Variants in ZNF536 observed in about 807,000 individuals in gnomAD.
The protein encoded by ZNF536 is zinc finger protein 536.
ZNF536 carries 13 observed loss-of-function variants against 84.5 expected under a neutral mutation model. That is an observed-to-expected ratio of 0.15 (90% CI 0.10 to 0.24). The LOEUF is 0.24. Ranked by LOEUF, ZNF536 falls within the 10% of genes least tolerant of loss-of-function variation. The pLI is 1.00. For synonymous variants in ZNF536, 811 were observed against 742.5 expected (o/e 1.09, Z -1.50); for missense variants, 1,536 against 1,747.5 (o/e 0.88, Z 2.16).
intron 1 of ZNF536, among the ~76,000 whole-genome samples, chr19:30,674,968 C>T (rs2147768371): frequency 6.6e-6 from 1 of 152,260 alleles, no homozygotes; most frequent in African/African-American, 2.4e-5. Flanking sequence ...GTCAAAATCC[C>T]TTCCCCCTGA....
chr19:30,562,887 G>C (rs1452130585), downstream of ZNF536, among the ~76,000 whole-genome samples: 1 of 152,048 alleles, frequency 6.6e-6, no homozygotes, highest in African/African-American at 2.4e-5. Context: ...GCAAGCCCGG[G>C]GTAGTTTGGA....
chr19:30,266,886 T>TA (rs1211788060), intron 1 of ZNF536, among the ~76,000 whole-genome samples: 1 of 152,176 alleles, frequency 6.6e-6, no homozygotes, highest in Non-Finnish European at 1.5e-5. Context: ...TCAGAATTGA[T>TA]AAAGAAGGAA....
intron 2 of ZNF536, among the ~76,000 whole-genome samples, chr19:30,474,261 G>A (rs2053756707): frequency 6.6e-6 from 1 of 152,066 alleles, no homozygotes; most frequent in Admixed American, 6.5e-5. Context: ...TGGACGCCAG[G>A]CAAGGATGAC....
chr19:30,623,635 C>A (rs574151702), intron 1 of ZNF536, among the ~76,000 whole-genome samples: 137 of 152,360 alleles, frequency 9.0e-4, no homozygotes, highest in African/African-American at 3.1e-3. Flanking sequence ...TTTGATCCCT[C>A]ACCTTTTCTG....
At chr19:30,586,325 T>G (rs6510170) in intron 1 of ZNF536, among the ~76,000 whole-genome samples, 99,000 of 152,184 alleles carry the variant, frequency 0.65, 34,109 homozygotes, top group Non-Finnish European at 0.78. Flanking sequence ...CATAAATGGG[T>G]CCCAGCATGC....
intron 2 of ZNF536, among the ~76,000 whole-genome samples, chr19:30,332,452 C>A (rs559174141): frequency 6.6e-6 from 1 of 152,190 alleles, no homozygotes; most frequent in Non-Finnish European, 1.5e-5. Context: ...ATCCTCTCTG[C>A]CCATGCGTGT....
intron 3 of ZNF536, among the ~76,000 whole-genome samples, chr19:30,536,764 C>T (rs962080780): frequency 7.9e-5 from 12 of 152,164 alleles, no homozygotes; most frequent in Non-Finnish European, 1.3e-4. Context: ...GCTGCAAGTG[C>T]TGGTTGCTTG....
intron 2 of ZNF536, among the ~76,000 whole-genome samples, chr19:30,532,102 G>A (rs190897541): frequency 6.6e-6 from 1 of 151,854 alleles, no homozygotes; most frequent in Non-Finnish European, 1.5e-5. Context: ...GCCACAGGAG[G>A]CCCCGCAGGA....
intron 1 of ZNF536, among the ~76,000 whole-genome samples, chr19:30,694,588 C>T (rs951813325): frequency 2.6e-5 from 4 of 152,166 alleles, no homozygotes; most frequent in Non-Finnish European, 5.9e-5. Context: ...GAAGATCTTG[C>T]CAGACCTCCT....
chr19:30,266,347 C>A (rs1351752767), intron 1 of ZNF536, among the ~76,000 whole-genome samples: 1 of 152,178 alleles, frequency 6.6e-6, no homozygotes, highest in African/African-American at 2.4e-5. Context: ...ACCACCTGGC[C>A]AAGGTAACTT....
chr19:30,673,198 A>T (rs2050624896), intron 1 of ZNF536, among the ~76,000 whole-genome samples: 1 of 152,106 alleles, frequency 6.6e-6, no homozygotes. Context: ...TTCCAGGGTG[A>T]TCTGTATGAT....
chr19:30,268,252 A>C lies in ZNF536; in HGVS notation c.-189-15820A>C, dbSNP rs187084173. ...TTTAGTGGTGACCTGAGTACATTTC[A>C]TAGTTAGTAAATTTAGGATTCTTAC... On this transcript the variant is annotated intron_variant, in intron 1 of 5. Coordinates refer to the ZNF536 transcript ENST00000585628. Among the ~76,000 whole-genome samples, 34 of 152,232 alleles carry C rather than the reference A, an allele frequency of 2.2e-4. No homozygotes were observed. In the East Asian group the frequency reaches 6.2e-3, roughly 28 times the overall value.
At chr19:30,575,510 A>G (rs138658632) in intron 1 of ZNF536, among the ~76,000 whole-genome samples, 140 of 152,376 alleles carry the variant, frequency 9.2e-4, no homozygotes, top group African/African-American at 3.3e-3. Context: ...TGTCTTGCTC[A>G]GTCATCCAGC....
chr19:30,511,133 C>T (rs1016310703), intron 2 of ZNF536, among the ~76,000 whole-genome samples: 4 of 152,160 alleles, frequency 2.6e-5, no homozygotes, highest in Non-Finnish European at 5.9e-5. Context: ...AGATGGGCTG[C>T]TCCTGGCAGA....
intron 2 of ZNF536, among the ~76,000 whole-genome samples, chr19:30,336,786 A>G: frequency 6.6e-6 from 1 of 152,158 alleles, no homozygotes; most frequent in East Asian, 1.9e-4. Flanking sequence ...CCCTGATGTT[A>G]TTTTAAGGTG....
In ZNF536 at chr19:30,444,768, G is replaced by T; in HGVS notation, c.1206G>T (p.Lys402Asn). Reference protein sequence around the residue: ...MKVHLNKLSVKNKSPSDPEVP... With the variant: ...MKVHLNKLSVNNKSPSDPEVP... ...TCCACCTCAACAAGCTGTCGGTGAA[G>T]AACAAGTCCCCCAGCGACCCCGAGG... Residue 402 changes from lysine (K) to asparagine (N), a missense_variant, in exon 2 of 5, where the codon AAG becomes AAT. This residue lies in a region of ZNF536 where 25 missense variants were observed against 78.9 expected (regional missense o/e 0.32). Coordinates refer to ENST00000355537, the MANE Select transcript of ZNF536 (RefSeq NM_014717.3). The T allele has an allele frequency of 6.2e-7, 1 of 1,614,018 alleles. No individual in the cohort carries two copies. Among genetic ancestry groups the T allele is most frequent in the Non-Finnish European group, 8.5e-7 (1 of 1,180,042 alleles).
chr19:30,269,692 T>C (rs2025717437), intron 1 of ZNF536, among the ~76,000 whole-genome samples: 1 of 152,210 alleles, frequency 6.6e-6, no homozygotes, highest in African/African-American at 2.4e-5. Flanking sequence ...TCTGGCTATT[T>C]AACCTGAGTG....
Position 30,434,819 on chromosome 19 carries a change from G to A in ZNF536, c.-2-8742G>A, listed in dbSNP as rs376730376. ...TGATGATGGTGATGGTGATGATGGT[G>A]GTGATGGTGGTGATGGTAATGATAA... is the stretch of plus-strand genomic sequence containing the variant. On this transcript the variant is annotated intron_variant, in intron 1 of 4. Coordinates refer to ENST00000355537, the MANE Select transcript of ZNF536 (RefSeq NM_014717.3). Among the ~76,000 whole-genome samples, 206 of 151,826 alleles carry A rather than the reference G, an allele frequency of 1.4e-3. 1 individual carries two copies. Among genetic ancestry groups the A allele is most frequent in the Middle Eastern group, 6.8e-3 (2 of 294 alleles).
chr19:30,577,720 C>T (rs1191006659), intron 1 of ZNF536, among the ~76,000 whole-genome samples: 1 of 152,180 alleles, frequency 6.6e-6, no homozygotes, highest in Non-Finnish European at 1.5e-5. Flanking sequence ...TTCAGTGCTG[C>T]CCCTGTCTGT....
Sources: allele counts gnomAD v4.1 joint callset (sites outside exome capture counted in the v4.1 genomes callset), GRCh38; gene constraint gnomAD v4.1.1; regional missense constraint gnomAD v4.1.1; transcripts MANE v1.5; gene names NCBI Gene and HGNC (gene_info 2026-07-23, HGNC 2026-07-21).